SPOCK1: variants seen among roughly 807,000 people sequenced by gnomAD.
SPOCK1 encodes testican-1.
SPOCK1 carries 23 observed loss-of-function variants against 55.3 expected under a neutral mutation model. The observed-to-expected ratio is 0.42, with a 90% CI of 0.30 to 0.59. SPOCK1 has a LOEUF of 0.59. SPOCK1 is among the 20% of genes least tolerant of loss of function. The pLI is 0.22. For synonymous variants in SPOCK1, 226 were observed against 221.0 expected (o/e 1.02, Z -0.20); for missense variants, 499 against 552.5 (o/e 0.90, Z 0.97).
intron 4 of SPOCK1, among the ~76,000 whole-genome samples, chr5:137,127,471 C>G (rs146690415): frequency 6.6e-6 from 1 of 152,364 alleles, no homozygotes; most frequent in East Asian, 1.9e-4. Context: ...GGCAACACAG[C>G]CATCTCAATG....
intron 3 of SPOCK1, among the ~76,000 whole-genome samples, chr5:137,162,385 T>G (rs1354301201): frequency 6.6e-6 from 1 of 152,136 alleles, no homozygotes; most frequent in African/African-American, 2.4e-5. Context: ...GTGATTCTCC[T>G]GCCTTGGCCT....
chr5:137,000,066 A>G (rs1253738182), intron 6 of SPOCK1, among the ~76,000 whole-genome samples: 5 of 152,134 alleles, frequency 3.3e-5, no homozygotes, highest in Non-Finnish European at 7.4e-5. Flanking sequence ...TATGAAAACA[A>G]TCAGAATTTA....
chr5:137,220,579 A>G (rs1755828578), intron 3 of SPOCK1, among the ~76,000 whole-genome samples: 1 of 152,056 alleles, frequency 6.6e-6, no homozygotes, highest in Non-Finnish European at 1.5e-5. Context: ...CCCAGGTCTG[A>G]CTCCTGAGTC....
intron 3 of SPOCK1, among the ~76,000 whole-genome samples, chr5:137,189,511 T>G (rs1403928488): frequency 1.3e-5 from 2 of 152,188 alleles, no homozygotes; most frequent in Non-Finnish European, 2.9e-5. Flanking sequence ...GTTTACTATG[T>G]ATATTAAACT....
chr5:137,032,257 A>G (rs1751795747), intron 6 of SPOCK1, among the ~76,000 whole-genome samples: 2 of 152,100 alleles, frequency 1.3e-5, no homozygotes, highest in East Asian at 1.9e-4. Context: ...AACATGTCTC[A>G]TCCCAGAGGA....
At chr5:137,142,767 C>G (rs931120557) in intron 3 of SPOCK1, among the ~76,000 whole-genome samples, 5 of 152,184 alleles carry the variant, frequency 3.3e-5, no homozygotes, top group Non-Finnish European at 4.4e-5. Flanking sequence ...GCAAGAGCTT[C>G]CTGGTCCTAA....
intron 3 of SPOCK1, among the ~76,000 whole-genome samples, chr5:137,207,887 C>A (rs894371670): frequency 6.6e-6 from 1 of 152,152 alleles, no homozygotes; most frequent in Non-Finnish European, 1.5e-5. Flanking sequence ...CAATCCTACA[C>A]GGTTTACAAT....
chr5:137,453,589 G>A (rs1014130592), intron 2 of SPOCK1, among the ~76,000 whole-genome samples: 1 of 152,150 alleles, frequency 6.6e-6, no homozygotes, highest in Non-Finnish European at 1.5e-5. Flanking sequence ...GGAATCTAGA[G>A]CGCTAATTTC....
intron 3 of SPOCK1, among the ~76,000 whole-genome samples, chr5:137,215,269 G>A (rs1755694659): frequency 6.6e-6 from 1 of 152,210 alleles, no homozygotes; most frequent in Non-Finnish European, 1.5e-5. Context: ...CCCAGGCAAT[G>A]AGGTGAAATG....
chr5:137,229,559 A>G (rs12653349), intron 3 of SPOCK1, among the ~76,000 whole-genome samples: 25,867 of 152,156 alleles, frequency 0.17, 2,495 homozygotes, highest in South Asian at 0.26. Flanking sequence ...TGGATGGCTA[A>G]TGTCTGGTCA....
At chr5:137,011,426 T>C (rs1246548577) in intron 6 of SPOCK1, among the ~76,000 whole-genome samples, 4 of 152,144 alleles carry the variant, frequency 2.6e-5, no homozygotes, top group African/African-American at 7.2e-5. Context: ...TGAGATTGAA[T>C]TCATGGTGTA....
At chr5:137,196,698 T>C (rs1646445456) in intron 3 of SPOCK1, among the ~76,000 whole-genome samples, 2 of 152,248 alleles carry the variant, frequency 1.3e-5, no homozygotes, top group Non-Finnish European at 2.9e-5. Flanking sequence ...GTGCCTCTAC[T>C]TGACACATAT....
intron 6 of SPOCK1, among the ~76,000 whole-genome samples, chr5:137,059,197 G>C (rs1442051990): frequency 1.0e-5 from 1 of 98,428 alleles, no homozygotes; most frequent in Non-Finnish European, 2.4e-5. Context: ...GAAATGCTAA[G>C]TAGTCATTAC....
In SPOCK1 at chr5:137,249,675, T is replaced by C. The variant is rs1423502006; in HGVS notation, c.232+17335A>G. 4.6e-5 allele frequency among the ~76,000 whole-genome samples: 7 copies of C among 152,246 alleles called. No homozygotes were observed. In the East Asian group the frequency reaches 9.6e-4, roughly 21 times the overall value. ...TATTTGAATTTTTATGCTATGTGCA[T>C]GTTTATTTTACCTAAAAAAACTTTA... On this transcript the variant is annotated intron_variant, in intron 3 of 10. Coordinates refer to ENST00000394945, the MANE Select transcript of SPOCK1 (RefSeq NM_004598.4).
At chr5:137,275,486 G>A (rs1307749727) in intron 2 of SPOCK1, among the ~76,000 whole-genome samples, 1 of 152,202 alleles carries the variant, frequency 6.6e-6, no homozygotes, top group African/African-American at 2.4e-5. Flanking sequence ...CTGATGCCTG[G>A]CCCAGGGCAG....
At chr5:137,280,912 A>T (rs1474183119) in intron 2 of SPOCK1, among the ~76,000 whole-genome samples, 1 of 152,170 alleles carries the variant, frequency 6.6e-6, no homozygotes, top group Non-Finnish European at 1.5e-5. Context: ...AGACACCTCC[A>T]CCAATGTGCT....
chr5:137,246,797 GAAGC>G (rs1242313719), intron 3 of SPOCK1, among the ~76,000 whole-genome samples: 1 of 151,874 alleles, frequency 6.6e-6, no homozygotes, highest in African/African-American at 2.4e-5. Flanking sequence ...ATGAGGGGTA[GAAGC>G]AAGAACCCCA....
At chr5:137,393,350 T>A (rs1343509733) in intron 2 of SPOCK1, among the ~76,000 whole-genome samples, 1 of 152,054 alleles carries the variant, frequency 6.6e-6, no homozygotes, top group Non-Finnish European at 1.5e-5. Context: ...GCCATCACCA[T>A]GAGAACATGC....
At chr5:137,359,912 A>G (rs1750904598) in intron 2 of SPOCK1, among the ~76,000 whole-genome samples, 1 of 152,180 alleles carries the variant, frequency 6.6e-6, no homozygotes, top group Non-Finnish European at 1.5e-5. Context: ...TTTGTCCTGA[A>G]GCAACTTCAG....
Sources: allele counts gnomAD v4.1 joint callset (sites outside exome capture counted in the v4.1 genomes callset), GRCh38; gene constraint gnomAD v4.1.1; transcripts MANE v1.5; gene names NCBI Gene and HGNC (gene_info 2026-07-23, HGNC 2026-07-21).